Variants in PRH1 observed in about 807,000 individuals in gnomAD.
PRH1 encodes proline rich protein HaeIII subfamily 1, also known as salivary acidic proline-rich phosphoprotein 1/2.
PRH1 carries 7 observed loss-of-function variants against 7.9 expected under a neutral mutation model. The observed-to-expected ratio is 0.89, with a 90% CI of 0.50 to 1.67. PRH1 has a LOEUF of 1.67. Among genes scored for constraint, PRH1 ranks in the 40% most tolerant of loss-of-function variants. The probability of loss-of-function intolerance (pLI) is 0.00; values close to 1 mark genes in which losing one functional copy is unlikely to be tolerated. For synonymous variants in PRH1, 45 were observed against 80.8 expected (o/e 0.56, Z 2.38); for missense variants, 109 against 223.6 (o/e 0.49, Z 3.27).
rs563816213 is a variant in PRH1 at position 11,040,959 on chromosome 12, A to G, written c.-126+6061T>C. Among the ~76,000 whole-genome samples, 3 of 152,246 alleles carry G rather than the reference A, an allele frequency of 2.0e-5. No individual in the cohort carries two copies. In the South Asian group the frequency reaches 6.2e-4, roughly 32 times the overall value. On this transcript the variant is annotated intron_variant, in intron 1 of 3. Coordinates refer to the PRH1 transcript ENST00000539853. ...CCTAACAGCATAGAATGGATACACA[A>G]AAAAATAAAAAGCAAGAAACTATAT...
At chr12:10,922,194 G>A (rs369352554) in intron 2 of PRH1, among the ~76,000 whole-genome samples, 5 of 152,008 alleles carry the variant, frequency 3.3e-5, no homozygotes, top group African/African-American at 1.2e-4. Context: ...GTACATATTA[G>A]CTCCTTCTTA....
At position 10,944,707 on chromosome 12, in the gene PRH1, G is replaced by C. The variant is rs117865934; in HGVS notation, c.-59+28948C>G. Among the ~76,000 whole-genome samples the C allele has an allele frequency of 9.0e-3, 1,365 of 152,106 alleles. 9 individuals are homozygous for C. Among genetic ancestry groups the C allele is most frequent in the Middle Eastern group, 0.017 (5 of 294 alleles). ...GTTGGGTGTGGGTTTATCATAGATG[G>C]CTCTTATTATTTTTAGTATGTTCCT... On this transcript the variant is annotated intron_variant, in intron 2 of 3. Coordinates refer to the PRH1 transcript ENST00000539853.
At chr12:11,057,245 A>C (rs1943401880) in intron 1 of PRH1, among the ~76,000 whole-genome samples, 1 of 152,200 alleles carries the variant, frequency 6.6e-6, no homozygotes, top group Non-Finnish European at 1.5e-5. Context: ...GGATTCTCCC[A>C]CCTTGGCCTC....
intron 1 of PRH1, among the ~76,000 whole-genome samples, chr12:11,038,315 G>A (rs1286194867): frequency 2.6e-5 from 4 of 152,290 alleles, no homozygotes; most frequent in Non-Finnish European, 5.9e-5. Flanking sequence ...ACATTGGCAA[G>A]AAAAAAGAAT....
chr12:11,140,956 G>A (rs1946684744), intron 1 of PRH1, among the ~76,000 whole-genome samples: 1 of 151,958 alleles, frequency 6.6e-6, no homozygotes, highest in Non-Finnish European at 1.5e-5. Flanking sequence ...GGTTTTCTTA[G>A]GAACCTCAAA....
In PRH1 at chr12:11,061,408, T is replaced by C. The variant is rs1184862842; in HGVS notation, n.124-14220A>G. On this transcript the variant is annotated intron_variant and non_coding_transcript_variant, in intron 1 of 4. Coordinates refer to the PRH1 transcript ENST00000541977. ...CTCTCCTTTCACCCAGTACCTCACA[T>C]GCCACAAAACTGAAAGAAAAGTCTG... 3.7e-6 allele frequency: 6 copies of C among 1,614,026 alleles called. No homozygotes were observed. The African/African-American group carries it at 5.3e-5, about 14-fold the overall frequency.
chr12:10,893,317 C>T (rs1949601735), intron 2 of PRH1, among the ~76,000 whole-genome samples: 1 of 152,158 alleles, frequency 6.6e-6, no homozygotes, highest in African/African-American at 2.4e-5. Flanking sequence ...AATTGGTCCT[C>T]CATAGCACAC....
intron 2 of PRH1, among the ~76,000 whole-genome samples, chr12:10,955,965 C>T (rs1416190390): frequency 6.6e-6 from 1 of 151,866 alleles, no homozygotes; most frequent in Non-Finnish European, 1.5e-5. Context: ...ACAAAAAAAG[C>T]CTAGGACCTG....
intron 2 of PRH1, chr12:10,930,903 G>A: frequency 6.2e-7 from 1 of 1,610,624 alleles, no homozygotes; most frequent in Non-Finnish European, 8.5e-7. Context: ...CACCCCAACA[G>A]GGAGGCCATC....
chr12:10,897,580 G>A (rs1390549722), intron 2 of PRH1, among the ~76,000 whole-genome samples: 1 of 152,198 alleles, frequency 6.6e-6, no homozygotes. Flanking sequence ...TTGGCTCATG[G>A]CTTCACAGGC....
At chr12:10,994,216 G>A (rs1405317209) in intron 1 of PRH1, among the ~76,000 whole-genome samples, 2 of 152,174 alleles carry the variant, frequency 1.3e-5, no homozygotes, top group Non-Finnish European at 2.9e-5. Context: ...GACTTGAATG[G>A]ATCACCACAT....
chr12:11,040,323 T>TG (rs1475746868), intron 1 of PRH1, among the ~76,000 whole-genome samples: 1 of 152,242 alleles, frequency 6.6e-6, no homozygotes, highest in Non-Finnish European at 1.5e-5. Context: ...CCAGATTTTC[T>TG]GCTTCACATA....
intron 1 of PRH1, among the ~76,000 whole-genome samples, chr12:11,110,062 G>A (rs2136301195): frequency 6.6e-6 from 1 of 152,156 alleles, no homozygotes; most frequent in African/African-American, 2.4e-5. Context: ...GCGGAAGAAA[G>A]GATATCAGAC....
intron 1 of PRH1, among the ~76,000 whole-genome samples, chr12:11,114,923 CTATAT>C (rs919398329): frequency 1.3e-5 from 2 of 151,904 alleles, no homozygotes; most frequent in African/African-American, 4.8e-5. Flanking sequence ...AAGCAAAAAA[CTATAT>C]TATATCACCA....
At chr12:10,905,949 G>A (rs1181551177) in intron 2 of PRH1, among the ~76,000 whole-genome samples, 1 of 152,008 alleles carries the variant, frequency 6.6e-6, no homozygotes, top group Non-Finnish European at 1.5e-5. Flanking sequence ...TTTTTTGTGG[G>A]GACCATATGA....
intron 1 of PRH1, among the ~76,000 whole-genome samples, chr12:11,168,368 AAAAGAAAGAAAGAAAGAAAG>A (rs199864169): frequency 0.46 from 16,701 of 35,982 alleles, 6,284 homozygotes; most frequent in South Asian, 0.63. Flanking sequence ...GAAAAGAAAG[AAAAGAAAGAAAGAAAGAAAG>A]AAAGAAAGAA....
intron 1 of PRH1, among the ~76,000 whole-genome samples, chr12:10,983,012 G>A (rs182560318): frequency 5.3e-5 from 8 of 152,240 alleles, no homozygotes; most frequent in Admixed American, 4.6e-4. Flanking sequence ...AGTCAAACCC[G>A]AAACAAAAAC....
chr12:10,978,124 G>A (rs1939192498), intron 1 of PRH1, among the ~76,000 whole-genome samples: 1 of 147,520 alleles, frequency 6.8e-6, no homozygotes, highest in Non-Finnish European at 1.5e-5. Context: ...GCAATCCCAA[G>A]GAAAAAGAAC....
rs144523329 is a variant in PRH1, at chr12:10,961,518, G to C, written c.-59+12137C>G. On this transcript the variant is annotated intron_variant, in intron 2 of 3. Coordinates refer to the PRH1 transcript ENST00000539853. ...ATGATTGGAAGACATGAGCAAATCT[G>C]AGTGGTACAAGGAGTAGACAGTATT... 2.7e-3 allele frequency among the ~76,000 whole-genome samples: 398 copies of C among 145,242 alleles called. 39 individuals carry two copies. Among genetic ancestry groups the C allele is most frequent in the African/African-American group, 0.011 (377 of 34,946 alleles).
Sources: allele counts gnomAD v4.1 joint callset (sites outside exome capture counted in the v4.1 genomes callset), GRCh38; gene constraint gnomAD v4.1.1; transcripts MANE v1.5; gene names NCBI Gene and HGNC (gene_info 2026-07-23, HGNC 2026-07-21).